ZNF664: variants seen among roughly 807,000 people sequenced by gnomAD.
ZNF664 encodes zinc finger protein 664, also known as zinc finger Organ of Corti 1.
In ZNF664, 10 loss-of-function variants were observed where a neutral mutation model predicts 18.2. The observed-to-expected ratio is 0.55, with a 90% CI of 0.34 to 0.93. The LOEUF is 0.93. ZNF664 is among the 40% of genes least tolerant of loss of function. The pLI, the probability that ZNF664 is intolerant of heterozygous loss-of-function variation, is 0.02. For synonymous variants in ZNF664, 119 were observed against 104.2 expected (o/e 1.14, Z -0.86); for missense variants, 193 against 319.0 (o/e 0.61, Z 3.01).
intron 3 of ZNF664, among the ~76,000 whole-genome samples, chr12:124,003,703 A>G (rs1465997455): frequency 1.3e-5 from 2 of 152,184 alleles, no homozygotes; most frequent in Middle Eastern, 3.4e-3. Flanking sequence ...GCCTGCTTCT[A>G]TTTTCTTAAT....
At chr12:124,008,362 G>A (rs1221226067) in intron 3 of ZNF664, among the ~76,000 whole-genome samples, 4 of 152,174 alleles carry the variant, frequency 2.6e-5, no homozygotes, top group Admixed American at 6.5e-5. Context: ...GGAGGCACAC[G>A]TGTCTGGTTG....
chr12:123,989,779 C>G (rs1231269012), intron 3 of ZNF664, among the ~76,000 whole-genome samples: 1 of 152,234 alleles, frequency 6.6e-6, no homozygotes, highest in African/African-American at 2.4e-5. Context: ...CCTACAAGAT[C>G]AAAAGCCTGA....
At chr12:124,010,709 A>G (rs1386392438) in intron 3 of ZNF664, among the ~76,000 whole-genome samples, 2 of 152,218 alleles carry the variant, frequency 1.3e-5, no homozygotes, top group Admixed American at 6.5e-5. Context: ...CTTACATCCT[A>G]GTACAGGAGA....
Position 123,988,157 on chromosome 12 carries a change from T to TC in ZNF664, c.-661+20dup. 1 of 1,231,452 alleles carries TC rather than the reference T, an allele frequency of 8.1e-7. No individual in the cohort carries two copies. The highest frequency in any genetic ancestry group is 1.0e-6 in the Non-Finnish European group (1 of 987,756). The allele number at this position is 1,231,452 out of a possible 1,614,324, so 76.3% of individuals were successfully genotyped here. Reference sequence around the variant, plus strand: ...CACTGTGGTAAGTTTTCCCCTTGTTTCACCATTTGTCCTAGATGGAGAATC... The same window carrying TC: ...CACTGTGGTAAGTTTTCCCCTTGTTTCCACCATTTGTCCTAGATGGAGAATC... On this transcript the variant is annotated intron_variant, in intron 3 of 4. Coordinates refer to ENST00000337815, the MANE Select transcript of ZNF664 (RefSeq NM_152437.3).
chr12:123,981,060 A>G (rs115490204), intron 2 of ZNF664, among the ~76,000 whole-genome samples: 1,562 of 152,284 alleles, frequency 0.01, 20 homozygotes, highest in African/African-American at 0.035. Flanking sequence ...ATTAGAGTAG[A>G]TAATGGATTA....
intron 3 of ZNF664, chr12:123,998,709 T>G (rs1168063895): frequency 6.6e-6 from 1 of 152,432 alleles, no homozygotes; most frequent in African/African-American, 2.4e-5. Context: ...CGCCTTCCCC[T>G]CCTCAACTGT....
chr12:123,987,960 A>G (rs1195131803), intron 2 of ZNF664, 83 bp from the exon 3 acceptor site: 1 of 1,228,720 alleles, frequency 8.1e-7, no homozygotes, highest in Non-Finnish European at 1.0e-6. Flanking sequence ...CCACGTTTAT[A>G]GTAGCTAGTT....
chr12:123,973,471 A>G, intron 1 of ZNF664, 119 bp downstream of exon 1: 4 of 642,568 alleles, frequency 6.2e-6, no homozygotes, highest in Non-Finnish European at 7.7e-6. Context: ...GAAAAGAAAA[A>G]CAACCCATCC....
In ZNF664 at chr12:123,973,955, G is replaced by A; in HGVS notation, c.-822G>A. On this transcript the variant is annotated 5_prime_UTR_variant, in exon 2 of 5. Coordinates refer to ENST00000337815, the MANE Select transcript of ZNF664 (RefSeq NM_152437.3). ...ATGAGGAACCCCTCGCGCACCCAGC[G>A]CAGAAGGCTGCTGCCGCCGGACGCC... 8.1e-7 allele frequency: 1 copy of A among 1,231,946 alleles called. No homozygotes were observed. Among genetic ancestry groups the A allele is most frequent in the Non-Finnish European group, 1.0e-6 (1 of 988,106 alleles). The allele number at this position is 1,231,946 out of a possible 1,614,324, so 76.3% of individuals were successfully genotyped here. A position where few individuals can be genotyped will look rare whatever the true frequency, so the allele number is the denominator to read the frequency against.
At chr12:123,992,052 T>C (rs12809473) in intron 3 of ZNF664, among the ~76,000 whole-genome samples, 10 of 152,042 alleles carry the variant, frequency 6.6e-5, no homozygotes, top group African/African-American at 2.2e-4. Context: ...ATCTTCCCTA[T>C]AGCTCATTAA....
At chr12:123,976,763 C>CT (rs1050189252) in intron 2 of ZNF664, among the ~76,000 whole-genome samples, 4 of 151,292 alleles carry the variant, frequency 2.6e-5, no homozygotes, top group African/African-American at 9.7e-5. Context: ...ACCAGCTACA[C>CT]TAAGGTCAAA....
In ZNF664 at chr12:123,974,266, G is replaced by A. The variant is rs186009382; in HGVS notation, c.-757+246G>A. ...CTCTAACAACTAAATCTCCCCGGGA[G>A]CCTGCTCCGAACTGAACTGTTCTGG... On this transcript the variant is annotated intron_variant, in intron 2 of 4. Coordinates refer to ENST00000337815, the MANE Select transcript of ZNF664 (RefSeq NM_152437.3). 3.0e-3 allele frequency: 1,144 copies of A among 380,506 alleles called. 2 individuals carry two copies. The highest frequency in any genetic ancestry group is 6.0e-3 in the Admixed American group (132 of 22,054). The allele number at this position is 380,506 out of a possible 1,614,324, so 23.6% of individuals were successfully genotyped here. A position where few individuals can be genotyped will look rare whatever the true frequency, so the allele number is the denominator to read the frequency against.
At chr12:123,991,414 C>T (rs555679471) in intron 3 of ZNF664, among the ~76,000 whole-genome samples, 2 of 152,238 alleles carry the variant, frequency 1.3e-5, no homozygotes, top group South Asian at 4.2e-4. Flanking sequence ...CAGGGTTTCA[C>T]CTTGAATGGA....
At chr12:123,983,236 A>T (rs763559596) in intron 2 of ZNF664, among the ~76,000 whole-genome samples, 4 of 152,258 alleles carry the variant, frequency 2.6e-5, no homozygotes, top group Non-Finnish European at 5.9e-5. Context: ...ATGATTACTC[A>T]TTTGTAAGAC....
intron 2 of ZNF664, among the ~76,000 whole-genome samples, chr12:123,985,506 A>T (rs111650590): frequency 0.016 from 2,489 of 152,354 alleles, 68 homozygotes; most frequent in African/African-American, 0.054. Flanking sequence ...ATGACATTTT[A>T]AAAAACTTCT....
chr12:123,974,928 A>G (rs1447114741), intron 2 of ZNF664, among the ~76,000 whole-genome samples: 1 of 152,188 alleles, frequency 6.6e-6, no homozygotes, highest in Non-Finnish European at 1.5e-5. Context: ...TTTCGGTGAT[A>G]GGAGCACAGA....
intron 2 of ZNF664, among the ~76,000 whole-genome samples, chr12:123,980,725 A>C (rs113715778): frequency 5.6e-4 from 85 of 152,360 alleles, no homozygotes; most frequent in African/African-American, 1.9e-3. Context: ...GCAGCCTTCC[A>C]GTAAAACCTA....
chr12:123,998,818 A>G (rs1956979337), intron 3 of ZNF664: 1 of 152,558 alleles, frequency 6.6e-6, no homozygotes, highest in African/African-American at 2.4e-5. Flanking sequence ...TAAATGTGGA[A>G]TATGTGCCTG....
At chr12:123,998,282 A>G (rs971930287) in intron 3 of ZNF664, 1 of 152,198 alleles carries the variant, frequency 6.6e-6, no homozygotes, top group African/African-American at 2.4e-5. Context: ...TTCCTAAAAG[A>G]TAGAGTCCTG....
Sources: allele counts gnomAD v4.1 joint callset (sites outside exome capture counted in the v4.1 genomes callset), GRCh38; gene constraint gnomAD v4.1.1; transcripts MANE v1.5; gene names NCBI Gene and HGNC (gene_info 2026-07-23, HGNC 2026-07-21).